SLC1A7: variants seen among roughly 807,000 people sequenced by gnomAD.
SLC1A7 encodes solute carrier family 1 member 7, also known as excitatory amino acid transporter 5.
In SLC1A7, 40 loss-of-function variants were observed where a neutral mutation model predicts 47.7. The observed-to-expected ratio is 0.84, with a 90% CI of 0.65 to 1.09. The LOEUF (loss-of-function observed/expected upper bound fraction) is 1.09. SLC1A7 is among the 50% of genes least tolerant of loss of function. The pLI is 0.00. For missense variants in SLC1A7, 746 were observed against 769.5 expected, an observed-to-expected ratio of 0.97 and a Z score of 0.36; for synonymous variants, 323 against 325.6, an observed-to-expected ratio of 0.99 and a Z score of 0.09.
At chr1:53,109,578 C>G (rs925852039) in intron 3 of SLC1A7, among the ~76,000 whole-genome samples, 2 of 152,174 alleles carry the variant, frequency 1.3e-5, no homozygotes, top group South Asian at 2.1e-4. Context: ...TATGTCCCCA[C>G]GCAGTGGGCT....
At chr1:53,089,600 A>G (rs908692945) in intron 9 of SLC1A7, among the ~76,000 whole-genome samples, 200 bp downstream of exon 9, 1 of 152,162 alleles carries the variant, frequency 6.6e-6, no homozygotes, top group African/African-American at 2.4e-5. Flanking sequence ...ACTGGGTTCC[A>G]CATTTTCATT....
chr1:53,142,213 G>C (rs1645064864), intron 1 of SLC1A7, 102 bp downstream of exon 1: 2 of 1,335,296 alleles, frequency 1.5e-6, no homozygotes, highest in Admixed American at 5.1e-5. Flanking sequence ...TTCACACACT[G>C]TCATGGCACC....
chr1:53,092,538 C>T lies in SLC1A7; in HGVS notation c.1031+16G>A, dbSNP rs918176517. On this transcript the variant is annotated intron_variant, in intron 7 of 10. Coordinates refer to ENST00000371494, the MANE Select transcript of SLC1A7 (RefSeq NM_006671.6). The stretch of plus-strand genomic sequence containing the variant: ...CCCTCCCAGCTCCCCACCGTCCTGC[C>T]CGTCCCCGGGGCTACCTGGAGGAGG... 6 of 1,591,034 alleles carry T rather than the reference C, an allele frequency of 3.8e-6. No individual in the cohort carries two copies. In the Admixed American group the frequency reaches 1.0e-4, roughly 27 times the overall value.
Position 53,103,507 on chromosome 1 carries a change from G to C in SLC1A7, c.536C>G (p.Pro179Arg), listed in dbSNP as rs138304797. Residue 179 changes from proline (P) to arginine (R), a missense_variant, in exon 5 of 11, where the codon CCT becomes CGT. Coordinates refer to ENST00000371494, the MANE Select transcript of SLC1A7 (RefSeq NM_006671.6). ...SPKVAPEEAP[P>R]RRILIYGVQE... ...GACCCCGTAGATGAGGATCCGCCGA[G>C]GAGGGGCCTCCTCTGGTGCCACCTT... 3.5e-3 allele frequency: 5,693 copies of C among 1,612,840 alleles called. 20 individuals carry two copies. The highest frequency in any genetic ancestry group is 4.0e-3 in the Non-Finnish European group (4,760 of 1,179,340).
chr1:53,120,664 T>C (rs1644809621), intron 2 of SLC1A7, among the ~76,000 whole-genome samples: 1 of 152,186 alleles, frequency 6.6e-6, no homozygotes, highest in Non-Finnish European at 1.5e-5. Flanking sequence ...ACTGCAGCCA[T>C]CTCACCCACT....
At chr1:53,100,895 C>T (rs1449766432) in intron 5 of SLC1A7, among the ~76,000 whole-genome samples, 2 of 150,824 alleles carry the variant, frequency 1.3e-5, no homozygotes, top group Admixed American at 6.6e-5. Context: ...ACTCAGACTG[C>T]CTCAATACAT....
chr1:53,092,478 A>G (rs1644432896), intron 7 of SLC1A7, 76 bp downstream of exon 7: 1 of 1,095,824 alleles, frequency 9.1e-7, no homozygotes, highest in Non-Finnish European at 1.4e-6. Context: ...GTGGCTATGA[A>G]CCAATGATGG....
intron 4 of SLC1A7, 108 bp downstream of exon 4, chr1:53,105,624 G>A (rs577283231): frequency 7.8e-6 from 7 of 896,416 alleles, no homozygotes; most frequent in Admixed American, 3.5e-5. Flanking sequence ...AGCAGACAGC[G>A]TGACTGGCCA....
chr1:53,109,350 C>T (rs1383857650), intron 3 of SLC1A7, among the ~76,000 whole-genome samples: 2 of 151,812 alleles, frequency 1.3e-5, no homozygotes, highest in East Asian at 1.9e-4. Flanking sequence ...TAATAAGATT[C>T]GAAAAAAAAG....
At chr1:53,103,024 C>T (rs1054727940) in intron 5 of SLC1A7, 13 of 249,088 alleles carry the variant, frequency 5.2e-5, no homozygotes, top group Non-Finnish European at 7.7e-5. Flanking sequence ...AACCAAGGTG[C>T]GGGCCTCCAA....
rs530892503 is a variant in SLC1A7, at chr1:53,134,008, C to A, written c.215+342G>T. ...CACTGGAGTATCCTCAGAGTTAGTT[C>A]TCTTTTCCCCAGGCCTTGCTGCATT... is the stretch of plus-strand genomic sequence containing the variant. On this transcript the variant is annotated intron_variant, in intron 2 of 10. Transcript: ENST00000371494. Among the ~76,000 whole-genome samples, 8 of 152,190 alleles carry A rather than the reference C, an allele frequency of 5.3e-5. No individual in the cohort carries two copies. In the South Asian group the frequency reaches 1.4e-3, roughly 28 times the overall value.
At chr1:53,097,220 C>T (rs1490886743) in intron 5 of SLC1A7, among the ~76,000 whole-genome samples, 1 of 151,434 alleles carries the variant, frequency 6.6e-6, no homozygotes, top group Non-Finnish European at 1.5e-5. Flanking sequence ...CCTCAGTACA[C>T]TCACGCACCC....
At chr1:53,137,230 T>G (rs535156570) in intron 1 of SLC1A7, among the ~76,000 whole-genome samples, 133 of 145,858 alleles carry the variant, frequency 9.1e-4, no homozygotes, top group African/African-American at 3.1e-3. Context: ...GGGATTGCAG[T>G]GAGCTAAGAT....
rs759678146 is a variant in SLC1A7, at chr1:53,103,390, T to C, written c.653A>G (p.Asp218Gly). ...VVYKSEPGTS[D>G]GMNVLGIVFF... ...GACGATGCCCAGCACATTCATGCCA[T>C]CGCTGGTGCCCGGCTCTGACTTGTA... The change falls in exon 5 of 11, where the codon GAT (aspartate) becomes GGT (glycine). Residue 218 changes from aspartate (D) to glycine (G), a missense_variant. Coordinates refer to ENST00000371494, the MANE Select transcript of SLC1A7 (RefSeq NM_006671.6). The C allele has an allele frequency of 3.1e-6, 5 of 1,610,320 alleles. No homozygotes were observed. The highest frequency in any genetic ancestry group is 1.7e-5 in the Admixed American group (1 of 59,420).
chr1:53,134,664 A>C (rs1217735175), intron 1 of SLC1A7, among the ~76,000 whole-genome samples: 1 of 151,834 alleles, frequency 6.6e-6, no homozygotes, highest in Non-Finnish European at 1.5e-5. Context: ...TTCTGTGACC[A>C]CTCTGAGTTT....
chr1:53,139,413 C>A (rs931578779), intron 1 of SLC1A7, among the ~76,000 whole-genome samples: 1 of 148,366 alleles, frequency 6.7e-6, no homozygotes, highest in Non-Finnish European at 1.5e-5. Context: ...GGTGCCTCAG[C>A]ATGGCCCTCT....
intron 2 of SLC1A7, among the ~76,000 whole-genome samples, chr1:53,117,649 G>T (rs895154953): frequency 3.3e-5 from 5 of 152,238 alleles, no homozygotes; most frequent in African/African-American, 9.6e-5. Context: ...CTCCAGATTT[G>T]CAGTCTAGGC....
At chr1:53,113,867 C>T (rs1644726218) in intron 3 of SLC1A7, among the ~76,000 whole-genome samples, 5 of 152,134 alleles carry the variant, frequency 3.3e-5, no homozygotes, top group Admixed American at 3.3e-4. Flanking sequence ...ATGCCTTCTC[C>T]CCGCAGACGG....
At chr1:53,114,666 C>T in intron 3 of SLC1A7, 92 bp downstream of exon 3, 2 of 1,065,894 alleles carry the variant, frequency 1.9e-6, no homozygotes, top group Non-Finnish European at 2.8e-6. Flanking sequence ...GTGATCACCC[C>T]CATCTCCACA....
Sources: gnomAD v4.1 joint callset for allele counts (sites outside exome capture counted in the v4.1 genomes callset) on GRCh38, gnomAD v4.1.1 for gene constraint, MANE v1.5 for transcripts, NCBI Gene and HGNC (gene_info 2026-07-23, HGNC 2026-07-21) for gene names.